Variants in NRXN3 observed in about 807,000 individuals in gnomAD.
NRXN3 encodes neurexin III.
Under a neutral mutation model 137.6 loss-of-function variants are expected in NRXN3, and 32 were observed. That is an observed-to-expected ratio of 0.23 (90% CI 0.18 to 0.31). NRXN3 has a LOEUF of 0.31. Among genes scored for constraint, NRXN3 ranks in the 10% least tolerant of loss-of-function variants. The probability of loss-of-function intolerance (pLI) is 1.00; values close to 1 mark genes in which losing one functional copy is unlikely to be tolerated. For missense variants in NRXN3, 1,574 were observed against 2,062.5 expected, an observed-to-expected ratio of 0.76 and a Z score of 4.59; for synonymous variants, 798 against 784.5, an observed-to-expected ratio of 1.02 and a Z score of -0.29.
intron 15 of NRXN3, chr14:79,280,011 G>A: frequency 4.1e-6 from 5 of 1,209,022 alleles, no homozygotes; most frequent in Admixed American, 4.2e-5. Flanking sequence ...GGCATGCCGG[G>A]GCTCCGTAGG....
intron 15 of NRXN3, among the ~76,000 whole-genome samples, chr14:79,051,547 C>G (rs1176119386): frequency 6.6e-6 from 1 of 152,138 alleles, no homozygotes; most frequent in Non-Finnish European, 1.5e-5. Flanking sequence ...AGAGTCGGCA[C>G]TAAAGAAAAT....
chr14:79,039,137 C>T (rs899502520), intron 15 of NRXN3, among the ~76,000 whole-genome samples: 2 of 152,126 alleles, frequency 1.3e-5, no homozygotes, highest in African/African-American at 4.8e-5. Flanking sequence ...AGAATAATCA[C>T]AAAACTTGGA....
At chr14:79,492,096 G>A (rs1235018624) in intron 16 of NRXN3, among the ~76,000 whole-genome samples, 2 of 152,018 alleles carry the variant, frequency 1.3e-5, no homozygotes, top group East Asian at 3.9e-4. Flanking sequence ...CTCTTTTTTT[G>A]TTACTGTTAA....
chr14:79,024,248 G>T (rs1211507924), intron 15 of NRXN3, among the ~76,000 whole-genome samples: 1 of 152,094 alleles, frequency 6.6e-6, no homozygotes, highest in Non-Finnish European at 1.5e-5. Flanking sequence ...GGCCATCAAT[G>T]GGAAGCATCT....
intron 4 of NRXN3, among the ~76,000 whole-genome samples, chr14:78,351,301 A>G (rs977432534): frequency 2.6e-5 from 4 of 152,216 alleles, no homozygotes; most frequent in African/African-American, 9.6e-5. Context: ...TTTTGCAAAC[A>G]TTTCAGTTTT....
intron 20 of NRXN3, among the ~76,000 whole-genome samples, chr14:79,819,682 A>G (rs2099265120): frequency 6.6e-6 from 1 of 151,720 alleles, no homozygotes; most frequent in African/African-American, 2.4e-5. Flanking sequence ...ACGGGGTTTC[A>G]CCATGTTGGC....
chr14:79,330,533 T>G (rs2091527529), intron 15 of NRXN3, among the ~76,000 whole-genome samples: 1 of 152,122 alleles, frequency 6.6e-6, no homozygotes, highest in Non-Finnish European at 1.5e-5. Context: ...TTGGTCTATT[T>G]GAGTTGATGT....
In NRXN3 at chr14:78,593,675, G is replaced by A. The variant is rs578069723; in HGVS notation, c.758-51445G>A. 1.7e-4 allele frequency among the ~76,000 whole-genome samples: 26 copies of A among 152,254 alleles called. 1 individual carries two copies. Among genetic ancestry groups the A allele is most frequent in the African/African-American group, 6.3e-4 (26 of 41,554 alleles). ...GCCAGTAGCTGTAATTTAGTCTTGG[G>A]TGGGAGAGAGCCAGAGGTCGAGGAG... On this transcript the variant is annotated intron_variant, in intron 4 of 20. Transcript: ENST00000335750.
intron 6 of NRXN3, among the ~76,000 whole-genome samples, chr14:78,703,192 C>T (rs998888604): frequency 6.6e-6 from 1 of 152,126 alleles, no homozygotes; most frequent in Non-Finnish European, 1.5e-5. Context: ...ATAAGGTGTT[C>T]GAAATCTATT....
At chr14:78,346,630 A>G (rs1422424014) in intron 4 of NRXN3, among the ~76,000 whole-genome samples, 1 of 152,120 alleles carries the variant, frequency 6.6e-6, no homozygotes, top group Non-Finnish European at 1.5e-5. Flanking sequence ...TCAATCTGTG[A>G]TCCTTCTAAC....
chr14:79,405,186 G>A (rs1328901710), intron 15 of NRXN3, among the ~76,000 whole-genome samples: 1 of 152,092 alleles, frequency 6.6e-6, no homozygotes, highest in African/African-American at 2.4e-5. Context: ...GAAAATTACT[G>A]TAAAGGCAGG....
intron 15 of NRXN3, among the ~76,000 whole-genome samples, chr14:79,445,580 A>G (rs972538323): frequency 6.6e-6 from 1 of 152,126 alleles, no homozygotes; most frequent in South Asian, 2.1e-4. Context: ...GAAAGTTGCT[A>G]CTTTTGATTG....
chr14:79,131,356 C>G (rs6574494), intron 15 of NRXN3, among the ~76,000 whole-genome samples: 147,544 of 151,928 alleles, frequency 0.97, 71,690 homozygotes, highest in Middle Eastern at 1. Flanking sequence ...ATGGGTTTTT[C>G]GTGTGGATGT....
chr14:79,061,751 G>A (rs536310350), intron 15 of NRXN3, among the ~76,000 whole-genome samples: 24 of 152,248 alleles, frequency 1.6e-4, no homozygotes, highest in Admixed American at 4.6e-4. Flanking sequence ...CACAAGTTAC[G>A]AGTTGTCCTT....
chr14:79,197,687 C>T (rs943902062), intron 15 of NRXN3, among the ~76,000 whole-genome samples: 3 of 152,040 alleles, frequency 2.0e-5, no homozygotes, highest in Non-Finnish European at 4.4e-5. Flanking sequence ...GGTTTGGTGA[C>T]CTTAACCACA....
chr14:79,864,740 T>C lies in NRXN3; in HGVS notation c.*2776T>C, dbSNP rs1309152519. 2 of 152,196 alleles carry C rather than the reference T, an allele frequency of 1.3e-5. No individual in the cohort carries two copies. Among genetic ancestry groups the C allele is most frequent in the African/African-American group, 4.8e-5 (2 of 41,410 alleles). 9.4% of individuals were successfully genotyped at this position (152,196 alleles called of 1,614,324 possible). ...GTTTTGTTTGTTTGTTTTTGTTTTT[T>C]GTTTTTCGTTTTTTGTTTGTTTTTT... On this transcript the variant is annotated 3_prime_UTR_variant, in exon 21 of 21. Coordinates refer to ENST00000335750, the MANE Select transcript of NRXN3 (RefSeq NM_001330195.2).
At chr14:79,754,160 T>C (rs2099009267) in intron 19 of NRXN3, among the ~76,000 whole-genome samples, 1 of 151,748 alleles carries the variant, frequency 6.6e-6, no homozygotes, top group African/African-American at 2.4e-5. Context: ...CTGTCTCTAC[T>C]AAAAGAAGAA....
At chr14:79,846,821 A>C (rs2099376127) in intron 20 of NRXN3, among the ~76,000 whole-genome samples, 1 of 152,192 alleles carries the variant, frequency 6.6e-6, no homozygotes, top group African/African-American at 2.4e-5. Context: ...TACCAACTAG[A>C]ATACTAATAA....
intron 15 of NRXN3, among the ~76,000 whole-genome samples, chr14:79,220,764 T>G (rs1026445650): frequency 4.6e-5 from 7 of 152,102 alleles, no homozygotes; most frequent in Non-Finnish European, 1.0e-4. Flanking sequence ...CATATATATT[T>G]TTTATTATAC....
Sources: allele counts gnomAD v4.1 joint callset (sites outside exome capture counted in the v4.1 genomes callset), GRCh38; gene constraint gnomAD v4.1.1; transcripts MANE v1.5; gene names NCBI Gene and HGNC (gene_info 2026-07-23, HGNC 2026-07-21).